Variants in TBX19 observed in about 807,000 individuals in gnomAD.
The protein encoded by TBX19 is T-box transcription factor 19.
Under a neutral mutation model 40.9 loss-of-function variants are expected in TBX19, and 33 were observed. That is an observed-to-expected ratio of 0.81 (90% CI 0.61 to 1.08). TBX19 has a LOEUF of 1.08. Among genes scored for constraint, TBX19 ranks in the 50% least tolerant of loss-of-function variants. The pLI is 0.00. For synonymous variants in TBX19, 220 were observed against 225.0 expected (o/e 0.98, Z 0.20); for missense variants, 494 against 574.0 (o/e 0.86, Z 1.42).
chr1:168,303,431 G>A (rs935987751), intron 5 of TBX19, among the ~76,000 whole-genome samples: 1 of 152,146 alleles, frequency 6.6e-6, no homozygotes, highest in Non-Finnish European at 1.5e-5. Context: ...CCCTTTGATA[G>A]AGTCCTTTGA....
chr1:168,296,171 T>C (rs1649100642), intron 3 of TBX19, among the ~76,000 whole-genome samples: 1 of 152,120 alleles, frequency 6.6e-6, no homozygotes, highest in African/African-American at 2.4e-5. Flanking sequence ...CCTGCTAGCT[T>C]CTTGTATGCT....
intron 7 of TBX19, among the ~76,000 whole-genome samples, chr1:168,310,163 G>A (rs1218961306): frequency 1.3e-5 from 2 of 152,090 alleles, no homozygotes; most frequent in Admixed American, 6.5e-5. Context: ...TTAGCCAGGC[G>A]TGGTGGTGCA....
intron 1 of TBX19, among the ~76,000 whole-genome samples, chr1:168,283,751 G>C (rs1320580549): frequency 6.6e-6 from 1 of 152,112 alleles, no homozygotes; most frequent in Non-Finnish European, 1.5e-5. Flanking sequence ...TGATTACCCA[G>C]TCCTAGCCTT....
intron 1 of TBX19, among the ~76,000 whole-genome samples, chr1:168,287,626 A>T (rs1335354434): frequency 6.6e-6 from 1 of 152,244 alleles, no homozygotes; most frequent in East Asian, 1.9e-4. Flanking sequence ...TTAAGAAACA[A>T]CAAAGATTTA....
At chr1:168,293,105 C>T in intron 2 of TBX19, 39 bp from the exon 3 acceptor site, 1 of 1,611,430 alleles carries the variant, frequency 6.2e-7, no homozygotes, top group South Asian at 1.1e-5. Flanking sequence ...ATACACGGGG[C>T]TTTGCTTTTC....
intron 5 of TBX19, among the ~76,000 whole-genome samples, chr1:168,303,267 C>T (rs1649321853): frequency 1.3e-5 from 2 of 152,130 alleles, no homozygotes; most frequent in African/African-American, 4.8e-5. Flanking sequence ...GTTCAATTCC[C>T]ACCTATGAGT....
chr1:168,309,120 C>T (rs1649469650), intron 7 of TBX19, among the ~76,000 whole-genome samples: 2 of 152,164 alleles, frequency 1.3e-5, no homozygotes, highest in Non-Finnish European at 2.9e-5. Flanking sequence ...CACCTGTAAT[C>T]CCAGCACTTT....
Position 168,313,191 on chromosome 1 carries a change from T to A in TBX19, c.*189T>A. On this transcript the variant is annotated 3_prime_UTR_variant, in exon 8 of 8. Transcript: ENST00000367821. ...GATGATGCTAGTTAGATCATTTGCA[T>A]CTCTCCACCATTTTCTTCTGCACTC... 3.0e-6 allele frequency: 2 copies of A among 669,330 alleles called. No individual in the cohort carries two copies. The highest frequency in any genetic ancestry group is 5.1e-6 in the Non-Finnish European group (2 of 393,416). The allele number at this position is 669,330 out of a possible 1,614,324, so 41.5% of individuals were successfully genotyped here.
intron 1 of TBX19, among the ~76,000 whole-genome samples, chr1:168,285,505 TTCCC>T (rs1648783185): frequency 6.6e-6 from 1 of 152,224 alleles, no homozygotes; most frequent in Non-Finnish European, 1.5e-5. Context: ...CTTCTGGAGA[TTCCC>T]TGTCAGTGAA....
At chr1:168,293,355 T>TG (rs1649001853) in intron 3 of TBX19, 77 bp downstream of exon 3, 11 of 1,421,884 alleles carry the variant, frequency 7.7e-6, no homozygotes, top group South Asian at 5.0e-5. Flanking sequence ...CATGGCAGGA[T>TG]GGGCGGGGGG....
Position 168,312,984 on chromosome 1 carries a change from T to C in TBX19, c.1329T>C (p.Pro443=). The change falls in exon 8 of 8, where the codon CCT becomes CCC. Residue 443 remains proline (P), a synonymous_variant. Coordinates refer to ENST00000367821, the MANE Select transcript of TBX19 (RefSeq NM_005149.3). ...GGPGAGGHHS[P]SSLDG is the part of the protein sequence containing the mutation. ...CAGGAGCGGGTGGGCACCATTCTCC[T>C]TCCTCACTGGATGGTTAAGCAGGAT... The C allele has an allele frequency of 6.2e-7, 1 of 1,614,182 alleles. No homozygotes were observed. The highest frequency in any genetic ancestry group is 8.5e-7 in the Non-Finnish European group (1 of 1,180,022).
rs144708215 is a variant in TBX19 at position 168,295,725 on chromosome 1, G to A, written c.604-1999G>A. Among the ~76,000 whole-genome samples, 428 of 152,280 alleles carry A rather than the reference G, an allele frequency of 2.8e-3. 1 individual carries two copies. The highest frequency in any genetic ancestry group is 0.017 in the Middle Eastern group (5 of 294). ...CTGGGCTGGAGTCTGGGTCTATGAG[G>A]GGAGGTATGGCCTTTGTAACTCTGG... is the stretch of plus-strand genomic sequence containing the variant. On this transcript the variant is annotated intron_variant, in intron 3 of 7. Transcript: ENST00000367821.
chr1:168,304,070 C>T (rs1291264161), intron 5 of TBX19, among the ~76,000 whole-genome samples: 3 of 152,330 alleles, frequency 2.0e-5, no homozygotes, highest in Non-Finnish European at 4.4e-5. Flanking sequence ...GTCTCAGCCT[C>T]ACTTTACCCG....
intron 7 of TBX19, 109 bp from the exon 8 acceptor site, chr1:168,312,599 C>A: frequency 7.8e-7 from 1 of 1,286,450 alleles, no homozygotes; most frequent in Non-Finnish European, 1.1e-6. Context: ...TGGCCAGAAG[C>A]CCTCCTGTAA....
chr1:168,308,949 A>G lies in TBX19; in HGVS notation c.1052+72A>G, dbSNP rs771689664. On this transcript the variant is annotated intron_variant, in intron 7 of 7. Coordinates refer to ENST00000367821, the MANE Select transcript of TBX19 (RefSeq NM_005149.3). The stretch of plus-strand genomic sequence containing the variant: ...ACTTTAGCACTGGGGACTCAAGTTC[A>G]TTCTTTTTCCTAGGGTGGCTTGGTC... The G allele has an allele frequency of 1.6e-4, 254 of 1,607,454 alleles. 2 individuals carry two copies. The Middle Eastern group carries it at 3.5e-3, about 22-fold the overall frequency.
At chr1:168,281,569 G>A (rs539771536) in intron 1 of TBX19, among the ~76,000 whole-genome samples, 309 of 152,348 alleles carry the variant, frequency 2.0e-3, no homozygotes, top group Middle Eastern at 3.4e-3. Flanking sequence ...ATTGGGATGG[G>A]AAAATGGACT....
intron 1 of TBX19, among the ~76,000 whole-genome samples, chr1:168,282,256 CTTCT>C (rs1648677825): frequency 1.3e-5 from 2 of 152,190 alleles, no homozygotes; most frequent in African/African-American, 2.4e-5. Flanking sequence ...GCCATCTGAA[CTTCT>C]TTCTGTCAGG....
chr1:168,281,047 A>G lies in TBX19; in HGVS notation c.-44A>G. Reference sequence around the variant, plus strand: ...GTGAGGGAAGGAAGAAGCTAGAAGCAGGCAAGTTGGGTAACGGCTCTCGGC... The same window carrying G: ...GTGAGGGAAGGAAGAAGCTAGAAGCGGGCAAGTTGGGTAACGGCTCTCGGC... On this transcript the variant is annotated 5_prime_UTR_variant, in exon 1 of 8. Coordinates refer to ENST00000367821, the MANE Select transcript of TBX19 (RefSeq NM_005149.3). 3 of 1,590,136 alleles carry G rather than the reference A, an allele frequency of 1.9e-6. No homozygotes were observed. The highest frequency in any genetic ancestry group is 2.6e-6 in the Non-Finnish European group (3 of 1,159,238).
intron 7 of TBX19, among the ~76,000 whole-genome samples, chr1:168,310,987 A>AT (rs1649508366): frequency 6.6e-6 from 1 of 151,082 alleles, no homozygotes; most frequent in African/African-American, 2.4e-5. Flanking sequence ...TAATAAATTA[A>AT]TTTTTTTCTA....
Sources: allele counts gnomAD v4.1 joint callset (sites outside exome capture counted in the v4.1 genomes callset), GRCh38; gene constraint gnomAD v4.1.1; transcripts MANE v1.5; gene names NCBI Gene and HGNC (gene_info 2026-07-23, HGNC 2026-07-21).